Variants in TENM3 observed in about 807,000 individuals in gnomAD.
The protein encoded by TENM3 is teneurin-3.
TENM3 carries 63 observed loss-of-function variants against 255.1 expected under a neutral mutation model. The observed-to-expected ratio is 0.25, with a 90% CI of 0.20 to 0.30. The LOEUF is 0.30. Ranked by LOEUF, TENM3 falls within the 10% of genes least tolerant of loss-of-function variation. TENM3 has a pLI of 1.00. For missense variants in TENM3, 2,929 were observed against 3,461.1 expected (o/e 0.85, Z 3.86); for synonymous variants, 1,306 against 1,322.3 (o/e 0.99, Z 0.27).
rs145162561 is a variant in TENM3 at position 182,583,981 on chromosome 4, A to T, written c.512-16943A>T. On this transcript the variant is annotated intron_variant, in intron 3 of 27. Coordinates refer to ENST00000511685, the MANE Select transcript of TENM3 (RefSeq NM_001080477.4). ...CAAGACAGTGTGCAAATGTGAATGC[A>T]ACAGATTCCAAATAGATGATTTTTT... 1.5e-3 allele frequency among the ~76,000 whole-genome samples: 226 copies of T among 152,354 alleles called. 3 individuals carry two copies. The highest frequency in any genetic ancestry group is 5.2e-3 in the African/African-American group (215 of 41,596).
At chr4:181,997,285 C>T in the TENM3 span, among the ~76,000 whole-genome samples, 6 of 152,206 alleles carry the variant, frequency 3.9e-5, no homozygotes, top group East Asian at 9.7e-4. Context: ...TTTTGTAATT[C>T]GGTCCTCAGT....
chr4:182,793,102 A>G lies in TENM3; in HGVS notation c.6430A>G (p.Asn2144Asp), dbSNP rs1460685620. ...VDGQLQTVYL[N>D]EKIMWRYNYD... ...TGGACAGCTCCAAACAGTTTACCTCAATGAAAAGATAATGTGGCGGTACAA... is the reference window on the plus strand; with the variant it reads ...TGGACAGCTCCAAACAGTTTACCTCGATGAAAAGATAATGTGGCGGTACAA... The change falls in exon 26 of 28, where the codon AAT becomes GAT. Residue 2144 changes from asparagine to aspartate, a missense_variant. Asn to Asp is a conservative substitution (Grantham distance 23, BLOSUM62 1). Coordinates refer to ENST00000511685, the MANE Select transcript of TENM3 (RefSeq NM_001080477.4). This position sits in a 1 kb window ranked among gnomAD's most constrained non-coding sequence, Gnocchi z 5.7. 1 of 1,613,986 alleles carries G rather than the reference A, an allele frequency of 6.2e-7. No homozygotes were observed. The highest frequency in any genetic ancestry group is 8.5e-7 in the Non-Finnish European group (1 of 1,179,894).
chr4:181,754,344 C>T, the TENM3 span, among the ~76,000 whole-genome samples: 1 of 150,724 alleles, frequency 6.6e-6, no homozygotes, highest in African/African-American at 2.4e-5. Context: ...AATCCTTGCT[C>T]TTAAATTGCT....
chr4:182,479,157 G>A (rs987361519), intron 3 of TENM3, among the ~76,000 whole-genome samples: 1 of 151,782 alleles, frequency 6.6e-6, no homozygotes, highest in African/African-American at 2.4e-5. Flanking sequence ...TTTCCTGTTA[G>A]ACACAAAATA....
chr4:181,862,300 A>G, the TENM3 span, among the ~76,000 whole-genome samples: 3 of 152,090 alleles, frequency 2.0e-5, no homozygotes, highest in African/African-American at 7.2e-5. Context: ...TAGGGTCACG[A>G]AAGGCCATAA....
chr4:182,154,250 A>G (rs1321539398), intron 1 of TENM3, among the ~76,000 whole-genome samples: 3 of 151,908 alleles, frequency 2.0e-5, no homozygotes, highest in African/African-American at 2.4e-5. Context: ...GGAGAGTGTT[A>G]CATAGTCTTT....
intron 3 of TENM3, among the ~76,000 whole-genome samples, chr4:182,400,467 T>C (rs1769145384): frequency 1.3e-5 from 2 of 152,216 alleles, no homozygotes; most frequent in African/African-American, 4.8e-5. Flanking sequence ...TAAAACACTG[T>C]ATGTTGGCTA....
chr4:181,710,270 A>C, the TENM3 span, among the ~76,000 whole-genome samples: 1 of 152,176 alleles, frequency 6.6e-6, no homozygotes, highest in Admixed American at 6.5e-5. Flanking sequence ...ATACACAGGA[A>C]GAAAATCAGA....
chr4:181,486,504 AAGG>A, the TENM3 span, among the ~76,000 whole-genome samples: 6 of 152,226 alleles, frequency 3.9e-5, no homozygotes, highest in African/African-American at 1.4e-4. Context: ...ATATATAAAA[AAGG>A]AGGTCATTAG....
intron 1 of TENM3, among the ~76,000 whole-genome samples, chr4:182,319,563 C>T (rs6552552): frequency 0.15 from 23,106 of 152,150 alleles, 1,988 homozygotes; most frequent in Middle Eastern, 0.2. Flanking sequence ...TGGAGAATTG[C>T]TTCACAAATA....
chr4:182,321,322 T>C (rs116777608), intron 1 of TENM3, among the ~76,000 whole-genome samples: 3,206 of 152,222 alleles, frequency 0.021, 45 homozygotes, highest in Non-Finnish European at 0.031. Context: ...CCAGTAAATA[T>C]TCATCTAAAA....
chr4:182,644,451 G>C (rs35579634), intron 5 of TENM3, among the ~76,000 whole-genome samples: 2,218 of 152,176 alleles, frequency 0.015, 48 homozygotes, highest in African/African-American at 0.051. Flanking sequence ...TTTTAAGTGT[G>C]ACACCAACAT....
intron 24 of TENM3, among the ~76,000 whole-genome samples, chr4:182,784,793 T>C (rs947079298): frequency 2.0e-5 from 3 of 152,166 alleles, no homozygotes; most frequent in African/African-American, 7.2e-5. Context: ...AAGCGCAGTA[T>C]TCGGGTGGGA....
chr4:181,921,609 G>A, the TENM3 span, among the ~76,000 whole-genome samples: 3 of 152,194 alleles, frequency 2.0e-5, no homozygotes, highest in African/African-American at 7.2e-5. Context: ...TGCTGAAGTT[G>A]CTTATCAGCT....
the TENM3 span, among the ~76,000 whole-genome samples, chr4:181,733,740 G>T: frequency 6.6e-6 from 1 of 152,150 alleles, no homozygotes; most frequent in Non-Finnish European, 1.5e-5. Flanking sequence ...CCTGTTTCAG[G>T]TACTTAGAGT....
At chr4:181,947,445 G>A in the TENM3 span, among the ~76,000 whole-genome samples, 1 of 151,946 alleles carries the variant, frequency 6.6e-6, no homozygotes, top group Non-Finnish European at 1.5e-5. Context: ...TGTGAGCGCT[G>A]GTATTTCTAC....
At chr4:181,828,538 G>A in the TENM3 span, among the ~76,000 whole-genome samples, 1 of 152,130 alleles carries the variant, frequency 6.6e-6, no homozygotes, top group African/African-American at 2.4e-5. Flanking sequence ...ATTACACACT[G>A]TAAATGACAA....
At chr4:181,774,959 T>C in the TENM3 span, among the ~76,000 whole-genome samples, 1 of 151,184 alleles carries the variant, frequency 6.6e-6, no homozygotes, top group Admixed American at 6.6e-5. Flanking sequence ...TTCTCCCATG[T>C]TGTAGGTTGC....
At chr4:181,606,975 CAA>C in the TENM3 span, among the ~76,000 whole-genome samples, 9 of 152,148 alleles carry the variant, frequency 5.9e-5, no homozygotes, top group Non-Finnish European at 1.3e-4. Context: ...CCAGCAGAGA[CAA>C]GAGTGGATAG....
Sources: gnomAD v4.1 joint callset for allele counts (sites outside exome capture counted in the v4.1 genomes callset) on GRCh38, gnomAD v4.1.1 for gene constraint, Gnocchi (gnomAD v3.1) non-coding constraint, MANE v1.5 for transcripts, NCBI Gene and HGNC (gene_info 2026-07-23, HGNC 2026-07-21) for gene names.